Variants in TEAD1 observed in about 807,000 individuals in gnomAD.
TEAD1 encodes the protein TEA domain transcription factor 1.
Under a neutral mutation model 54.9 loss-of-function variants are expected in TEAD1, and 9 were observed. That is an observed-to-expected ratio of 0.16 (90% CI 0.10 to 0.29). TEAD1 has a LOEUF of 0.29. Among genes scored for constraint, TEAD1 ranks in the 10% least tolerant of loss-of-function variants. The pLI, the probability that TEAD1 is intolerant of heterozygous loss-of-function variation, is 1.00. For synonymous variants in TEAD1, 200 were observed against 187.8 expected, an observed-to-expected ratio of 1.07 and a Z score of -0.53; for missense variants, 387 against 535.9, an observed-to-expected ratio of 0.72 and a Z score of 2.74.
intron 2 of TEAD1, among the ~76,000 whole-genome samples, chr11:12,760,202 G>T (rs183574745): frequency 6.6e-6 from 1 of 152,184 alleles, no homozygotes; most frequent in African/African-American, 2.4e-5. Flanking sequence ...ATGAACATCT[G>T]TTCATAGTTT....
chr11:12,843,557 T>G (rs1190788546), intron 3 of TEAD1, among the ~76,000 whole-genome samples: 1 of 152,260 alleles, frequency 6.6e-6, no homozygotes, highest in Non-Finnish European at 1.5e-5. Flanking sequence ...TTATAAATGC[T>G]GCTGCTTTTG....
At chr11:12,717,792 C>A (rs143329825) in intron 2 of TEAD1, among the ~76,000 whole-genome samples, 41 of 152,314 alleles carry the variant, frequency 2.7e-4, no homozygotes, top group African/African-American at 9.4e-4. Flanking sequence ...GCTTAGCGGT[C>A]AGCAGGACAG....
chr11:12,823,059 T>C (rs1283338821), intron 3 of TEAD1, among the ~76,000 whole-genome samples: 1 of 152,340 alleles, frequency 6.6e-6, no homozygotes, highest in East Asian at 1.9e-4. Context: ...AATTTTTACT[T>C]GTCTTGCAGT....
Position 12,819,416 on chromosome 11 carries a change from A to G in TEAD1, c.203-42834A>G, listed in dbSNP as rs1036536263. 9.9e-5 allele frequency among the ~76,000 whole-genome samples: 15 copies of G among 151,708 alleles called. No homozygotes were observed. In the South Asian group the frequency reaches 2.3e-3, roughly 23 times the overall value. On this transcript the variant is annotated intron_variant, in intron 3 of 12. Transcript: ENST00000527636. ...GTCCATTTATGCCTTATGCACTTGT[A>G]TGTGTGTGTGTGTTGTGTTTCACGG...
intron 9 of TEAD1, among the ~76,000 whole-genome samples, chr11:12,884,986 T>C (rs940563360): frequency 1.3e-5 from 2 of 152,216 alleles, no homozygotes; most frequent in African/African-American, 4.8e-5. Context: ...CATGACACTT[T>C]GTTGTTTACA....
rs952680412 is a variant in TEAD1 at position 12,699,301 on chromosome 11, T to G, written c.-55+23740T>G. The stretch of plus-strand genomic sequence containing the variant: ...CTACCTATTTCTCATTACTCTTCTT[T>G]TAAAGATTTTTTTTTCCCTAGCTTT... On this transcript the variant is annotated intron_variant, in intron 2 of 12. Transcript: ENST00000527636. Among the ~76,000 whole-genome samples, 3 of 152,234 alleles carry G rather than the reference T, an allele frequency of 2.0e-5. No homozygotes were observed. In the South Asian group the frequency reaches 6.2e-4, roughly 31 times the overall value.
intron 2 of TEAD1, among the ~76,000 whole-genome samples, chr11:12,718,616 A>G (rs1166316715): frequency 6.6e-6 from 1 of 152,058 alleles, no homozygotes; most frequent in Non-Finnish European, 1.5e-5. Context: ...GATGTAATTC[A>G]AGTTTGAAGT....
chr11:12,817,089 G>C (rs986997141), intron 3 of TEAD1, among the ~76,000 whole-genome samples: 2 of 152,180 alleles, frequency 1.3e-5, no homozygotes, highest in African/African-American at 4.8e-5. Context: ...CACTCCTTGG[G>C]CTCACGCTAG....
Position 12,898,516 on chromosome 11 carries a change from T to C in TEAD1, c.700-3424T>C, listed in dbSNP as rs559971337. On this transcript the variant is annotated intron_variant, in intron 9 of 12. Coordinates refer to ENST00000527636, the MANE Select transcript of TEAD1 (RefSeq NM_021961.6). The stretch of plus-strand genomic sequence containing the variant: ...TTCAAGCAATTCTCCTGCCTCAGCC[T>C]CCCGAGTAGCTGGGATTACAGGTGT... Among the ~76,000 whole-genome samples, 13 of 151,986 alleles carry C rather than the reference T, an allele frequency of 8.6e-5. No individual in the cohort carries two copies. In the East Asian group the frequency reaches 1.9e-3, roughly 23 times the overall value.
intron 2 of TEAD1, among the ~76,000 whole-genome samples, chr11:12,742,339 G>A (rs1187899271): frequency 6.6e-6 from 1 of 152,152 alleles, no homozygotes; most frequent in African/African-American, 2.4e-5. Context: ...TAATTGTGAT[G>A]AGGATGAAGT....
At chr11:12,930,456 G>C in intron 12 of TEAD1, 130 bp downstream of exon 12, 1 of 1,127,896 alleles carries the variant, frequency 8.9e-7, no homozygotes, top group Non-Finnish European at 1.3e-6. Flanking sequence ...TGGGTTCCTA[G>C]TGGTCAGTCA....
chr11:12,940,325 C>T lies in TEAD1; in HGVS notation c.*3103C>T, dbSNP rs1376600314. 1 of 152,176 alleles carries T rather than the reference C, an allele frequency of 6.6e-6. No individual in the cohort carries two copies. The highest frequency in any genetic ancestry group is 6.5e-5 in the Admixed American group (1 of 15,280). The allele number at this position is 152,176 out of a possible 1,614,324, so 9.4% of individuals were successfully genotyped here. On this transcript the variant is annotated 3_prime_UTR_variant, in exon 13 of 13. Coordinates refer to ENST00000527636, the MANE Select transcript of TEAD1 (RefSeq NM_021961.6). ...TAGGAGATTTACTAATATCCCTGGCCTCTACCCAGTAGTACCACTAGCACC... is the reference window on the plus strand; with the variant it reads ...TAGGAGATTTACTAATATCCCTGGCTTCTACCCAGTAGTACCACTAGCACC...
chr11:12,926,501 C>G lies in TEAD1; in HGVS notation c.1014+1449C>G, dbSNP rs546756091. 1.6e-4 allele frequency among the ~76,000 whole-genome samples: 24 copies of G among 152,192 alleles called. No homozygotes were observed. In the South Asian group the frequency reaches 4.8e-3, roughly 30 times the overall value. On this transcript the variant is annotated intron_variant, in intron 11 of 12. Coordinates refer to ENST00000527636, the MANE Select transcript of TEAD1 (RefSeq NM_021961.6). ...TCAAAAGTCACACTCACATTTTATG[C>G]TTGGAAGGATGGTACTGCCACTAAT...
chr11:12,674,706 A>G lies in TEAD1; in HGVS notation c.-336A>G, dbSNP rs1943036895. 6.6e-6 allele frequency: 1 copy of G among 150,706 alleles called. No homozygotes were observed. Among genetic ancestry groups the G allele is most frequent in the Non-Finnish European group, 1.5e-5 (1 of 67,622 alleles). The allele number at this position is 150,706 out of a possible 1,614,324, so 9.3% of individuals were successfully genotyped here. Reference sequence around the variant, plus strand: ...CCCCGGGGCAGGAGCGGTGCTAGGCAGGGGTGGGGTGGCCGGGCCCAGGGA... The same window carrying G: ...CCCCGGGGCAGGAGCGGTGCTAGGCGGGGGTGGGGTGGCCGGGCCCAGGGA... On this transcript the variant is annotated 5_prime_UTR_variant, in exon 1 of 13. Coordinates refer to ENST00000527636, the MANE Select transcript of TEAD1 (RefSeq NM_021961.6).
chr11:12,711,763 A>C (rs868047047), intron 2 of TEAD1, among the ~76,000 whole-genome samples: 5 of 152,350 alleles, frequency 3.3e-5, no homozygotes, highest in Middle Eastern at 6.8e-3. Flanking sequence ...GATGTAATAA[A>C]GGCAAAGTAG....
chr11:12,879,429 G>A (rs926713873), intron 5 of TEAD1: 13 of 597,666 alleles, frequency 2.2e-5, no homozygotes, highest in South Asian at 6.1e-5. Context: ...AAATAAATAC[G>A]TTGTCCACTC....
chr11:12,676,175 A>G (rs1023629274), intron 2 of TEAD1, among the ~76,000 whole-genome samples: 1 of 152,232 alleles, frequency 6.6e-6, no homozygotes, highest in African/African-American at 2.4e-5. Context: ...TACTAAAAAC[A>G]CTACACGTAT....
intron 10 of TEAD1, among the ~76,000 whole-genome samples, chr11:12,902,705 A>T (rs1424492468): frequency 3.3e-5 from 5 of 151,930 alleles, no homozygotes; most frequent in African/African-American, 7.3e-5. Flanking sequence ...ATTTTTTTTT[A>T]AAACTGTTTT....
chr11:12,920,548 G>A (rs1018382817), intron 10 of TEAD1, among the ~76,000 whole-genome samples: 5 of 152,018 alleles, frequency 3.3e-5, no homozygotes, highest in Non-Finnish European at 7.4e-5. Flanking sequence ...ACGTTGCCTA[G>A]GCTGGTCTCA....
Sources: allele counts gnomAD v4.1 joint callset (sites outside exome capture counted in the v4.1 genomes callset), GRCh38; gene constraint gnomAD v4.1.1; transcripts MANE v1.5; gene names NCBI Gene and HGNC (gene_info 2026-07-23, HGNC 2026-07-21).